The following UBE2E2 variants were observed in gnomAD, a reference collection of about 807,000 sequenced individuals.
UBE2E2 encodes ubiquitin-conjugating enzyme E2 E2.
UBE2E2 carries 6 observed loss-of-function variants against 24.7 expected under a neutral mutation model. That is an observed-to-expected ratio of 0.24 (90% confidence interval 0.13 to 0.48). The LOEUF (loss-of-function observed/expected upper bound fraction) is 0.48, where lower values mean the gene tolerates loss of function less well. UBE2E2 is among the 20% of genes least tolerant of loss of function. The pLI, the probability that UBE2E2 is intolerant of heterozygous loss-of-function variation, is 0.99. For missense variants in UBE2E2, 169 were observed against 245.0 expected, an observed-to-expected ratio of 0.69 and a Z score of 2.07; for synonymous variants, 104 against 83.6, an observed-to-expected ratio of 1.24 and a Z score of -1.33.
At chr3:23,461,220 C>G (rs1025896203) in intron 3 of UBE2E2, among the ~76,000 whole-genome samples, 2 of 152,058 alleles carry the variant, frequency 1.3e-5, no homozygotes, top group Non-Finnish European at 1.5e-5. Flanking sequence ...GATGTAACCC[C>G]AAACCCACAA....
At chr3:23,406,132 C>G (rs778461) in intron 3 of UBE2E2, among the ~76,000 whole-genome samples, 100,531 of 152,230 alleles carry the variant, frequency 0.66, 34,892 homozygotes, top group African/African-American at 0.89. Context: ...CTGCCTGGAA[C>G]GCAGAATTAT....
intron 3 of UBE2E2, among the ~76,000 whole-genome samples, chr3:23,402,593 A>G (rs1559373392): frequency 6.6e-6 from 1 of 152,206 alleles, no homozygotes; most frequent in Non-Finnish European, 1.5e-5. Context: ...AATTATTTGC[A>G]AATAACATAT....
intron 5 of UBE2E2, among the ~76,000 whole-genome samples, chr3:23,578,430 G>A (rs1328368489): frequency 6.6e-6 from 1 of 152,190 alleles, no homozygotes; most frequent in African/African-American, 2.4e-5. Flanking sequence ...ATTACTGGGT[G>A]TATACCCAAA....
intron 3 of UBE2E2, among the ~76,000 whole-genome samples, chr3:23,481,305 G>T (rs1699254943): frequency 6.6e-6 from 1 of 152,192 alleles, no homozygotes; most frequent in South Asian, 2.1e-4. Flanking sequence ...ATGAGTAATA[G>T]CGTTTTACAA....
chr3:23,416,383 C>T (rs1205024224), intron 3 of UBE2E2, among the ~76,000 whole-genome samples: 4 of 152,194 alleles, frequency 2.6e-5, no homozygotes, highest in Admixed American at 6.5e-5. Context: ...CTGGCGCTCA[C>T]GCTCCTCTGG....
chr3:23,586,494 C>T (rs1382253310), intron 5 of UBE2E2, among the ~76,000 whole-genome samples: 2 of 152,018 alleles, frequency 1.3e-5, no homozygotes, highest in Non-Finnish European at 2.9e-5. Flanking sequence ...TTGGGGGTCT[C>T]AGTGTGTTGC....
chr3:23,560,751 T>C (rs1321485664), intron 5 of UBE2E2, among the ~76,000 whole-genome samples: 1 of 152,112 alleles, frequency 6.6e-6, no homozygotes, highest in Non-Finnish European at 1.5e-5. Context: ...TTTTTAATGA[T>C]TGCCATTCTA....
intron 3 of UBE2E2, among the ~76,000 whole-genome samples, chr3:23,317,751 C>T (rs769760845): frequency 6.6e-6 from 1 of 151,976 alleles, no homozygotes; most frequent in Non-Finnish European, 1.5e-5. Context: ...TCAATTACCT[C>T]CTACCGGGTC....
chr3:23,479,892 G>A (rs1374172260), intron 3 of UBE2E2, among the ~76,000 whole-genome samples: 1 of 152,136 alleles, frequency 6.6e-6, no homozygotes, highest in African/African-American at 2.4e-5. Context: ...ACTGGTCCAT[G>A]GGCTGTCACG....
chr3:23,256,169 T>C (rs978029154), intron 3 of UBE2E2, among the ~76,000 whole-genome samples: 1 of 152,224 alleles, frequency 6.6e-6, no homozygotes, highest in Non-Finnish European at 1.5e-5. Context: ...CTTTCGTTCT[T>C]AATTTCTGGT....
At chr3:23,303,846 T>C (rs768787796) in intron 3 of UBE2E2, among the ~76,000 whole-genome samples, 4 of 152,202 alleles carry the variant, frequency 2.6e-5, no homozygotes, top group Non-Finnish European at 5.9e-5. Flanking sequence ...TCTTGGCCTT[T>C]TAAGTTCTCA....
intron 5 of UBE2E2, among the ~76,000 whole-genome samples, chr3:23,545,126 G>A (rs540008648): frequency 1.1e-3 from 173 of 152,122 alleles, no homozygotes; most frequent in African/African-American, 3.9e-3. Context: ...GCCCAGGGAC[G>A]GGCAGGAGAC....
At chr3:23,220,346 T>C (rs1232285158) in intron 3 of UBE2E2, among the ~76,000 whole-genome samples, 1 of 152,208 alleles carries the variant, frequency 6.6e-6, no homozygotes, top group African/African-American at 2.4e-5. Flanking sequence ...AGTTTTATTT[T>C]TGAAGTTGGG....
intron 4 of UBE2E2, among the ~76,000 whole-genome samples, chr3:23,508,210 A>G (rs1355798598): frequency 1.3e-5 from 2 of 152,184 alleles, no homozygotes; most frequent in African/African-American, 4.8e-5. Flanking sequence ...ATTGATCAAA[A>G]TGGTGTCATT....
chr3:23,455,661 A>G (rs756494132), intron 3 of UBE2E2, among the ~76,000 whole-genome samples: 5 of 152,176 alleles, frequency 3.3e-5, no homozygotes, highest in Admixed American at 6.5e-5. Context: ...ACTGCACTCC[A>G]GTGTAAGCAA....
intron 3 of UBE2E2, among the ~76,000 whole-genome samples, chr3:23,487,542 T>C (rs188804604): frequency 1.5e-3 from 234 of 152,336 alleles, no homozygotes; most frequent in African/African-American, 5.4e-3. Context: ...CCGCCATCAA[T>C]AGTATAAACT....
chr3:23,402,613 T>A (rs1018749213), intron 3 of UBE2E2, among the ~76,000 whole-genome samples: 3 of 152,236 alleles, frequency 2.0e-5, no homozygotes, highest in African/African-American at 7.2e-5. Context: ...TGATCACCTT[T>A]TATTAGGTAT....
At chr3:23,308,497 A>G (rs887118717) in intron 3 of UBE2E2, among the ~76,000 whole-genome samples, 2 of 152,218 alleles carry the variant, frequency 1.3e-5, no homozygotes, top group African/African-American at 4.8e-5. Context: ...GGTAATGAAA[A>G]CAGTTTTGCT....
At chr3:23,501,849 A>T (rs1699727342) in intron 4 of UBE2E2, among the ~76,000 whole-genome samples, 2 of 152,160 alleles carry the variant, frequency 1.3e-5, no homozygotes, top group South Asian at 4.1e-4. Context: ...ACCTGTCAAG[A>T]ATTTTACCAG....
Sources: gnomAD v4.1 joint callset for allele counts (sites outside exome capture counted in the v4.1 genomes callset) on GRCh38, gnomAD v4.1.1 for gene constraint, MANE v1.5 for transcripts, NCBI Gene and HGNC (gene_info 2026-07-23, HGNC 2026-07-21) for gene names.